Variants in PDE3A observed in about 807,000 individuals in gnomAD.
PDE3A encodes the protein phosphodiesterase 3A, also known as cGMP-inhibited 3',5'-cyclic phosphodiesterase 3A.
In PDE3A, 43 loss-of-function variants were observed where a neutral mutation model predicts 98.3. The ratio of observed to expected loss-of-function variants is 0.44; its 90% confidence interval spans 0.34 to 0.56. The LOEUF (loss-of-function observed/expected upper bound fraction) is 0.56, where lower values mean the gene tolerates loss of function less well. Among genes scored for constraint, PDE3A ranks in the 20% least tolerant of loss-of-function variants. The pLI is 0.01. For missense variants in PDE3A, 1,427 were observed against 1,440.7 expected (o/e 0.99, Z 0.15); for synonymous variants, 663 against 567.9 (o/e 1.17, Z -2.38).
chr12:20,510,732 G>A (rs1336750822), intron 1 of PDE3A, among the ~76,000 whole-genome samples: 1 of 152,052 alleles, frequency 6.6e-6, no homozygotes. Flanking sequence ...TATGGTGCAG[G>A]TAGATTTGTA....
Position 20,369,201 on chromosome 12 carries a change from GT to G in PDE3A, c.-83del. ...GAAGAGCGTGCGTGCGTGTGTGTGT[GT>G]GTGTGTGTGCGCGCGCGCGCGTGGG... On this transcript the variant is annotated 5_prime_UTR_variant, in exon 1 of 16. Transcript: ENST00000359062. The G allele has an allele frequency of 7.0e-6, 6 of 859,632 alleles. No homozygotes were observed. The highest frequency in any genetic ancestry group is 8.8e-6 in the Non-Finnish European group (5 of 565,330). The allele number at this position is 859,632 out of a possible 1,614,324, so 53.3% of individuals were successfully genotyped here. A position where few individuals can be genotyped will look rare whatever the true frequency, so the allele number is the denominator to read the frequency against.
At chr12:20,398,433 G>A (rs146193218) in intron 1 of PDE3A, among the ~76,000 whole-genome samples, 45 of 150,676 alleles carry the variant, frequency 3.0e-4, no homozygotes, top group African/African-American at 1.0e-3. Context: ...CTTTAATCTC[G>A]TTAACCTTGC....
At chr12:20,605,011 C>G (rs1210715429) in intron 2 of PDE3A, among the ~76,000 whole-genome samples, 1 of 152,166 alleles carries the variant, frequency 6.6e-6, no homozygotes, top group African/African-American at 2.4e-5. Context: ...AGTTGTATCT[C>G]CCCTACTTAA....
At chr12:20,492,918 T>A (rs1168270779) in intron 1 of PDE3A, among the ~76,000 whole-genome samples, 1 of 152,050 alleles carries the variant, frequency 6.6e-6, no homozygotes, top group Non-Finnish European at 1.5e-5. Context: ...AATAAAGACT[T>A]ACAAGCAAAA....
At chr12:20,378,986 T>C (rs1943618761) in intron 1 of PDE3A, among the ~76,000 whole-genome samples, 2 of 151,710 alleles carry the variant, frequency 1.3e-5, no homozygotes, top group South Asian at 4.2e-4. Context: ...TTGAAATAAT[T>C]TTATGCAAGA....
rs556156137 is a variant in PDE3A, at chr12:20,419,909, T to C, written c.960+49665T>C. ...GTGTGCCACCATGCCTGGCTAATTC[T>C]TTTATGTTTAGTAGATATGGGGTTT... On this transcript the variant is annotated intron_variant, in intron 1 of 15. Transcript: ENST00000359062. Among the ~76,000 whole-genome samples, 17 of 152,076 alleles carry C rather than the reference T, an allele frequency of 1.1e-4. 1 individual carries two copies. In the South Asian group the frequency reaches 3.3e-3, roughly 30 times the overall value.
At chr12:20,637,282 A>T (rs371488335) in intron 9 of PDE3A, 45 bp downstream of exon 9, 1 of 1,448,370 alleles carries the variant, frequency 6.9e-7, no homozygotes, top group Admixed American at 1.9e-5. Context: ...TAGGAAAAAC[A>T]GTTCCTTTGT....
intron 1 of PDE3A, among the ~76,000 whole-genome samples, chr12:20,535,210 C>A (rs1819691509): frequency 6.6e-6 from 1 of 152,162 alleles, no homozygotes; most frequent in Admixed American, 6.5e-5. Flanking sequence ...TCTGTCTTGA[C>A]CCCAATCTAC....
chr12:20,548,003 T>C (rs1432808795), intron 1 of PDE3A, among the ~76,000 whole-genome samples: 2 of 152,124 alleles, frequency 1.3e-5, no homozygotes, highest in African/African-American at 4.8e-5. Flanking sequence ...AGCTAAGTAC[T>C]GTGTAACATA....
intron 2 of PDE3A, among the ~76,000 whole-genome samples, chr12:20,561,624 A>ATT (rs1035899155): frequency 6.7e-6 from 1 of 150,180 alleles, no homozygotes; most frequent in Admixed American, 6.6e-5. Flanking sequence ...GCAGCATCTA[A>ATT]TTTTTTTTTT....
intron 1 of PDE3A, among the ~76,000 whole-genome samples, chr12:20,484,708 C>G (rs917568448): frequency 2.0e-5 from 3 of 152,106 alleles, no homozygotes; most frequent in Non-Finnish European, 2.9e-5. Context: ...AAAACATACA[C>G]TTTGAAATGG....
In PDE3A at chr12:20,552,616, C is replaced by A. The variant is rs1015593815; in HGVS notation, c.961-4044C>A. The A allele has an allele frequency of 6.2e-7, 1 of 1,613,676 alleles. No individual in the cohort carries two copies. Among genetic ancestry groups the A allele is most frequent in the Non-Finnish European group, 8.5e-7 (1 of 1,179,792 alleles). On this transcript the variant is annotated intron_variant, in intron 1 of 15. Transcript: ENST00000359062. The surrounding 1 kb of genome is among the most constrained non-coding windows in gnomAD (Gnocchi z 5.1). The stretch of plus-strand genomic sequence containing the variant: ...TGGCCCGAGCAGGGCCGGGTCCCCG[C>A]GCCGGACATCCAAGAAAACCAAGGT...
intron 8 of PDE3A, among the ~76,000 whole-genome samples, chr12:20,635,306 C>G (rs997618149): frequency 6.6e-6 from 1 of 152,128 alleles, no homozygotes; most frequent in African/African-American, 2.4e-5. Context: ...GTGGCTCACG[C>G]CTGTAATCCC....
At chr12:20,408,529 A>G (rs1018801870) in intron 1 of PDE3A, among the ~76,000 whole-genome samples, 37 of 152,178 alleles carry the variant, frequency 2.4e-4, no homozygotes, top group Admixed American at 2.4e-3. Flanking sequence ...TAACTTGCAG[A>G]TGGCGTTCAT....
At chr12:20,571,928 G>A (rs982973039) in intron 2 of PDE3A, 12 of 1,067,500 alleles carry the variant, frequency 1.1e-5, no homozygotes, top group Non-Finnish European at 9.1e-6. Flanking sequence ...CAATGAATGA[G>A]AGTGGGGCAT....
At chr12:20,594,915 G>A (rs920244846) in intron 2 of PDE3A, among the ~76,000 whole-genome samples, 5 of 151,848 alleles carry the variant, frequency 3.3e-5, no homozygotes, top group Non-Finnish European at 7.4e-5. Flanking sequence ...ACCCAGACTT[G>A]TAGATCGATA....
intron 2 of PDE3A, among the ~76,000 whole-genome samples, chr12:20,580,358 T>C (rs10841567): frequency 0.17 from 25,851 of 152,088 alleles, 2,242 homozygotes; most frequent in Middle Eastern, 0.24. Context: ...GACATTTTAA[T>C]GGTCTACTGT....
chr12:20,673,593 T>G (rs1268363497), intron 15 of PDE3A, among the ~76,000 whole-genome samples: 3 of 150,146 alleles, frequency 2.0e-5, no homozygotes, highest in Non-Finnish European at 3.0e-5. Context: ...AGTAAACTAT[T>G]GCAAGAACAA....
intron 1 of PDE3A, among the ~76,000 whole-genome samples, chr12:20,471,303 C>A (rs1945436135): frequency 6.6e-6 from 1 of 152,092 alleles, no homozygotes; most frequent in South Asian, 2.1e-4. Flanking sequence ...ACATTAAAAT[C>A]TTTGGAGCTT....
Sources: gnomAD v4.1 joint callset for allele counts (sites outside exome capture counted in the v4.1 genomes callset) on GRCh38, gnomAD v4.1.1 for gene constraint, Gnocchi (gnomAD v3.1) non-coding constraint, MANE v1.5 for transcripts, NCBI Gene and HGNC (gene_info 2026-07-23, HGNC 2026-07-21) for gene names.